The following PIWIL2 variants were observed in gnomAD, a reference collection of about 807,000 sequenced individuals.
PIWIL2 encodes piwi-like protein 2.
A neutral mutation model predicts 116.5 loss-of-function variants in PIWIL2; 81 were observed. That is an observed-to-expected ratio of 0.70 (90% CI 0.58 to 0.84). The LOEUF (loss-of-function observed/expected upper bound fraction) is 0.84. Among genes scored for constraint, PIWIL2 ranks in the 40% least tolerant of loss-of-function variants. The probability of loss-of-function intolerance (pLI) is 0.00; values close to 1 mark genes in which losing one functional copy is unlikely to be tolerated. For synonymous variants in PIWIL2, 489 were observed against 429.5 expected (o/e 1.14, Z -1.71); for missense variants, 1,272 against 1,212.3 (o/e 1.05, Z -0.73).
intron 20 of PIWIL2, among the ~76,000 whole-genome samples, chr8:22,332,451 A>G (rs906518616): frequency 1.3e-5 from 2 of 152,152 alleles, no homozygotes; most frequent in Non-Finnish European, 2.9e-5. Context: ...GAATGTTCCA[A>G]AACTGTTAGA....
intron 8 of PIWIL2, 87 bp from the exon 9 acceptor site, chr8:22,289,760 A>C (rs1358363680): frequency 1.3e-6 from 1 of 790,528 alleles, no homozygotes; most frequent in South Asian, 1.5e-5. Context: ...AACCGTTCAG[A>C]CTTCCAAAGG....
At chr8:22,342,483 A>T (rs1394713490) in intron 20 of PIWIL2, among the ~76,000 whole-genome samples, 2 of 152,230 alleles carry the variant, frequency 1.3e-5, no homozygotes, top group Non-Finnish European at 1.5e-5. Context: ...ACACAAATAT[A>T]GTCAAGTGAT....
chr8:22,292,898 G>A (rs1830796944), intron 10 of PIWIL2, among the ~76,000 whole-genome samples: 1 of 152,156 alleles, frequency 6.6e-6, no homozygotes, highest in Admixed American at 6.6e-5. Flanking sequence ...CTATTTGGTG[G>A]CATGGAACTT....
At chr8:22,323,148 T>TA (rs1471779982) in intron 20 of PIWIL2, among the ~76,000 whole-genome samples, 1 of 136,022 alleles carries the variant, frequency 7.4e-6, no homozygotes, top group African/African-American at 2.8e-5. Flanking sequence ...TTGATCTTTT[T>TA]TTTTTTTTTT....
rs576431027 is a variant in PIWIL2, at chr8:22,355,004, A to G, written c.2766-345A>G. On this transcript the variant is annotated intron_variant, in intron 22 of 22. Transcript: ENST00000356766. Reference sequence around the variant, plus strand: ...AGAATCACTTGAATCCAGGAGGAGGAGGTTGCAGTGAGCAGAGATTGTGCC... The same window carrying G: ...AGAATCACTTGAATCCAGGAGGAGGGGGTTGCAGTGAGCAGAGATTGTGCC... Among the ~76,000 whole-genome samples, 13 of 150,988 alleles carry G rather than the reference A, an allele frequency of 8.6e-5. No individual in the cohort carries two copies. The South Asian group carries it at 2.8e-3, about 33-fold the overall frequency.
chr8:22,317,477 C>T (rs1013433054), intron 19 of PIWIL2, among the ~76,000 whole-genome samples: 7 of 152,010 alleles, frequency 4.6e-5, no homozygotes, highest in African/African-American at 1.7e-4. Flanking sequence ...TTAAACTGTA[C>T]ATTTTCCTGT....
At chr8:22,314,061 A>G (rs566063545) in intron 16 of PIWIL2, among the ~76,000 whole-genome samples, 2 of 152,338 alleles carry the variant, frequency 1.3e-5, no homozygotes, top group South Asian at 4.1e-4. Flanking sequence ...GAGTCTTCTA[A>G]TAGATAAATC....
chr8:22,279,463 G>C lies in PIWIL2; in HGVS notation c.77G>C (p.Gly26Ala). The change falls in exon 2 of 23, where the codon GGC becomes GCC. Residue 26 changes from glycine to alanine, a missense_variant. Gly to Ala is a moderately conservative substitution (Grantham distance 60, BLOSUM62 0). Coordinates refer to ENST00000356766, the MANE Select transcript of PIWIL2 (RefSeq NM_018068.5). ...PSQCQAVRMPGCWPQASKPLD... is the reference protein window; with the variant it reads ...PSQCQAVRMPACWPQASKPLD... ...CAGTGCCAGGCTGTACGGATGCCAG[G>C]CTGTTGGCCACAAGCTTCTAAACCT... is the stretch of plus-strand genomic sequence containing the variant. 1 of 1,614,144 alleles carries C rather than the reference G, an allele frequency of 6.2e-7. No homozygotes were observed. Among genetic ancestry groups the C allele is most frequent in the Non-Finnish European group, 8.5e-7 (1 of 1,180,002 alleles).
At chr8:22,280,015 CT>C (rs1042341912) in intron 2 of PIWIL2, among the ~76,000 whole-genome samples, 3 of 151,604 alleles carry the variant, frequency 2.0e-5, no homozygotes, top group African/African-American at 7.3e-5. Context: ...ACAAGGTTGT[CT>C]TTTTTTTTCT....
intron 6 of PIWIL2, 80 bp downstream of exon 6, chr8:22,284,352 G>A: frequency 1.5e-6 from 1 of 682,238 alleles, no homozygotes; most frequent in South Asian, 1.9e-5. Flanking sequence ...ACTGAATATT[G>A]TCCTGGACAG....
At chr8:22,317,463 G>T (rs1831488167) in intron 19 of PIWIL2, among the ~76,000 whole-genome samples, 1 of 151,932 alleles carries the variant, frequency 6.6e-6, no homozygotes, top group Non-Finnish European at 1.5e-5. Context: ...AGCTTAATAT[G>T]CAGTTAAACT....
At chr8:22,328,978 A>T (rs1831796615) in intron 20 of PIWIL2, among the ~76,000 whole-genome samples, 1 of 151,272 alleles carries the variant, frequency 6.6e-6, no homozygotes, top group African/African-American at 2.4e-5. Context: ...CTTAATTGTT[A>T]TGGCTAGGAT....
chr8:22,315,230 C>G (rs1329826717), intron 18 of PIWIL2, 85 bp downstream of exon 18: 1 of 770,544 alleles, frequency 1.3e-6, no homozygotes, highest in Non-Finnish European at 2.3e-6. Context: ...GTTATGCTTC[C>G]TCTTCTCAAC....
chr8:22,323,964 A>G (rs1416680646), intron 20 of PIWIL2, among the ~76,000 whole-genome samples: 1 of 152,138 alleles, frequency 6.6e-6, no homozygotes, highest in African/African-American at 2.4e-5. Context: ...AGGCACCAGT[A>G]GAATATTGGA....
chr8:22,293,667 A>C (rs929464111), intron 10 of PIWIL2, among the ~76,000 whole-genome samples: 2 of 152,200 alleles, frequency 1.3e-5, no homozygotes, highest in Non-Finnish European at 2.9e-5. Flanking sequence ...CTTGATATGA[A>C]GTTGGGATTA....
chr8:22,308,308 C>T (rs146581950), intron 14 of PIWIL2, among the ~76,000 whole-genome samples: 7 of 150,788 alleles, frequency 4.6e-5, no homozygotes, highest in South Asian at 2.1e-4. Context: ...TTTTTATTAA[C>T]GGTTTTCTAT....
Position 22,304,141 on chromosome 8 carries a change from G to C in PIWIL2, c.1302G>C (p.Trp434Cys). The C allele has an allele frequency of 6.2e-7, 1 of 1,613,350 alleles. No individual in the cohort carries two copies. Among genetic ancestry groups the C allele is most frequent in the Non-Finnish European group, 8.5e-7 (1 of 1,179,394 alleles). Residue 434 changes from tryptophan to cysteine, a missense_variant, in exon 11 of 23, where the codon TGG (tryptophan) becomes TGC (cysteine). Trp to Cys is a radical substitution (Grantham distance 215). Transcript: ENST00000356766. ...CCTATCGTATTGATGATGTGGATTGGAATAAGACTCCAAAGGATAGCTTCA... is the reference window on the plus strand; with the variant it reads ...CCTATCGTATTGATGATGTGGATTGCAATAAGACTCCAAAGGATAGCTTCA... ...NRTYRIDDVDWNKTPKDSFTM... is the reference protein window; with the variant it reads ...NRTYRIDDVDCNKTPKDSFTM...
At chr8:22,296,095 G>C (rs1245829646) in intron 10 of PIWIL2, among the ~76,000 whole-genome samples, 2 of 137,398 alleles carry the variant, frequency 1.5e-5, no homozygotes, top group African/African-American at 5.5e-5. Flanking sequence ...TTGCTCTGTT[G>C]CCCAGGCTAG....
At chr8:22,296,260 C>T (rs11998634) in intron 10 of PIWIL2, among the ~76,000 whole-genome samples, 90,907 of 151,600 alleles carry the variant, frequency 0.6, 27,752 homozygotes, top group East Asian at 0.82. Context: ...TTGATGAGGA[C>T]GGTCTCGATC....
Sources: allele counts gnomAD v4.1 joint callset (sites outside exome capture counted in the v4.1 genomes callset), GRCh38; gene constraint gnomAD v4.1.1; transcripts MANE v1.5; gene names NCBI Gene and HGNC (gene_info 2026-07-23, HGNC 2026-07-21).